The following DGKB variants were observed in gnomAD, a reference collection of about 807,000 sequenced individuals.
DGKB encodes diacylglycerol kinase beta.
A neutral mutation model predicts 114.3 loss-of-function variants in DGKB; 67 were observed. That is an observed-to-expected ratio of 0.59 (90% CI 0.48 to 0.72). The LOEUF (loss-of-function observed/expected upper bound fraction) is 0.72, where lower values mean the gene tolerates loss of function less well. DGKB is among the 30% of genes least tolerant of loss of function. The pLI is 0.00. For synonymous variants in DGKB, 398 were observed against 323.1 expected, an observed-to-expected ratio of 1.23 and a Z score of -2.49; for missense variants, 907 against 975.2, an observed-to-expected ratio of 0.93 and a Z score of 0.93.
chr7:14,889,104 G>T (rs1780767332), intron 1 of DGKB, among the ~76,000 whole-genome samples: 1 of 151,680 alleles, frequency 6.6e-6, no homozygotes, highest in Non-Finnish European at 1.5e-5. Context: ...GCATTGGCAA[G>T]AATGAGGACC....
At chr7:14,342,032 G>A (rs1811686595) in intron 22 of DGKB, among the ~76,000 whole-genome samples, 1 of 151,834 alleles carries the variant, frequency 6.6e-6, no homozygotes, top group Admixed American at 6.6e-5. Flanking sequence ...ATGGGGCAGA[G>A]ACTATGCTTG....
intron 2 of DGKB, among the ~76,000 whole-genome samples, chr7:14,805,685 A>T (rs1380080003): frequency 2.0e-5 from 3 of 151,900 alleles, no homozygotes; most frequent in Non-Finnish European, 4.4e-5. Flanking sequence ...TTTCCTTTTT[A>T]AAATATCTAG....
rs528478274 is a variant in DGKB at position 14,514,450 on chromosome 7, A to C, written c.1771-36225T>G. ...TAATCAGTTGCATTATTTGGACAAT[A>C]TGTAGATATTTTCAGCTTTTACTTT... On this transcript the variant is annotated intron_variant, in intron 20 of 25. Transcript: ENST00000402815. Among the ~76,000 whole-genome samples the C allele has an allele frequency of 1.1e-4, 16 of 152,262 alleles. 2 individuals carry two copies. In the Middle Eastern group the frequency reaches 0.017, roughly 164 times the overall value.
intron 13 of DGKB, among the ~76,000 whole-genome samples, chr7:14,663,813 G>T (rs1032567327): frequency 3.6e-5 from 4 of 111,070 alleles, no homozygotes; most frequent in African/African-American, 1.1e-4. Context: ...GAACCAGTGT[G>T]CAAAAAAAAA....
Position 14,757,731 on chromosome 7 carries a change from T to G in DGKB, c.71A>C (p.Tyr24Ser), listed in dbSNP as rs781585946. ...EFSQLQKYAE[Y>S]STKKLKDVLE... is the part of the protein sequence containing the mutation. ...AACATCCTTTAATTTCTTTGTAGAA[T>G]CTATAAAAAACAGAAAACACAAAAA... is the stretch of plus-strand genomic sequence containing the variant. Residue 24 changes from tyrosine (Y) to serine (S), a missense_variant and splice_region_variant, in exon 3 of 26, where the codon TAT (tyrosine) becomes TCT (serine). This residue lies in a region of DGKB where 814 missense variants were observed against 856.6 expected (regional missense o/e 0.95). Coordinates refer to ENST00000402815, the MANE Select transcript of DGKB (RefSeq NM_001350709.2). 6.3e-7 allele frequency: 1 copy of G among 1,589,884 alleles called. No homozygotes were observed. Among genetic ancestry groups the G allele is most frequent in the Non-Finnish European group, 8.6e-7 (1 of 1,160,688 alleles).
chr7:14,284,724 A>T (rs1214648951), intron 23 of DGKB, among the ~76,000 whole-genome samples: 1 of 151,640 alleles, frequency 6.6e-6, no homozygotes, highest in East Asian at 1.9e-4. Context: ...ACATGGATGA[A>T]ATTGGAAACC....
chr7:14,912,453 G>A (rs1375186022), intron 1 of DGKB, among the ~76,000 whole-genome samples: 1 of 152,074 alleles, frequency 6.6e-6, no homozygotes, highest in East Asian at 1.9e-4. Context: ...GAGTTCACTG[G>A]GGGACTGGTT....
intron 1 of DGKB, among the ~76,000 whole-genome samples, chr7:14,885,993 C>T (rs1409211760): frequency 6.6e-6 from 1 of 151,572 alleles, no homozygotes; most frequent in African/African-American, 2.4e-5. Context: ...TGAGCAAGAA[C>T]ATGGGAAAAT....
At chr7:14,537,329 A>T (rs529876324) in intron 20 of DGKB, among the ~76,000 whole-genome samples, 2 of 152,310 alleles carry the variant, frequency 1.3e-5, no homozygotes, top group African/African-American at 2.4e-5. Flanking sequence ...TCTAAAATTC[A>T]TACAGAACCA....
intron 1 of DGKB, among the ~76,000 whole-genome samples, chr7:14,847,607 A>G (rs1179369719): frequency 1.3e-5 from 2 of 152,222 alleles, no homozygotes; most frequent in African/African-American, 4.8e-5. Flanking sequence ...ATGATACGTG[A>G]GCTATTAAAT....
At chr7:14,612,909 C>T (rs1017408163) in intron 16 of DGKB, among the ~76,000 whole-genome samples, 1 of 152,080 alleles carries the variant, frequency 6.6e-6, no homozygotes, top group Admixed American at 6.6e-5. Context: ...GGAAATATGG[C>T]ATCATGTTCT....
intron 5 of DGKB, among the ~76,000 whole-genome samples, chr7:14,732,073 A>G (rs1334814533): frequency 3.3e-5 from 5 of 152,136 alleles, no homozygotes; most frequent in Non-Finnish European, 7.4e-5. Flanking sequence ...ACATATGCAT[A>G]TGTATAAATA....
At chr7:14,769,293 G>C (rs933652708) in intron 2 of DGKB, among the ~76,000 whole-genome samples, 3 of 144,506 alleles carry the variant, frequency 2.1e-5, no homozygotes, top group Non-Finnish European at 4.6e-5. Context: ...ATTTTGTAAA[G>C]GAGTTTAGTT....
At chr7:14,414,153 G>A (rs1164246308) in intron 21 of DGKB, among the ~76,000 whole-genome samples, 1 of 152,146 alleles carries the variant, frequency 6.6e-6, no homozygotes, top group East Asian at 1.9e-4. Context: ...AGATGAATTA[G>A]AGGGATCTAT....
At chr7:14,165,477 C>A (rs1784486373) in intron 25 of DGKB, among the ~76,000 whole-genome samples, 1 of 152,110 alleles carries the variant, frequency 6.6e-6, no homozygotes, top group Admixed American at 6.5e-5. Context: ...TTGCCCTATT[C>A]CTGCTATAAA....
intron 23 of DGKB, among the ~76,000 whole-genome samples, chr7:14,247,763 A>T (rs2128383223): frequency 6.6e-6 from 1 of 152,160 alleles, no homozygotes; most frequent in South Asian, 2.1e-4. Context: ...TATCAGACGC[A>T]TAATTTACAA....
intron 2 of DGKB, among the ~76,000 whole-genome samples, chr7:14,837,311 C>A (rs1847293234): frequency 6.6e-6 from 1 of 152,062 alleles, no homozygotes; most frequent in South Asian, 2.1e-4. Context: ...TTACAGGGTG[C>A]ATTCTGGCAA....
At position 14,841,305 on chromosome 7, in the gene DGKB, CTT is replaced by C. The variant is rs1562686225; in HGVS notation, c.-44_-43del. On this transcript the variant is annotated 5_prime_UTR_variant, in exon 2 of 26. Coordinates refer to ENST00000402815, the MANE Select transcript of DGKB (RefSeq NM_001350709.2). ...TCTGTCACATACCAGGTAAAAGATT[CTT>C]TATTCAGGTGTTGCGCAGAGGTCTA... 6.3e-7 allele frequency: 1 copy of C among 1,577,814 alleles called. No individual in the cohort carries two copies.
At chr7:14,856,326 A>G (rs1850147808) in intron 1 of DGKB, among the ~76,000 whole-genome samples, 1 of 152,136 alleles carries the variant, frequency 6.6e-6, no homozygotes, top group Non-Finnish European at 1.5e-5. Context: ...TTGAAATACA[A>G]AAATAAAAGT....
Sources: gnomAD v4.1 joint callset for allele counts (sites outside exome capture counted in the v4.1 genomes callset) on GRCh38, gnomAD v4.1.1 for gene constraint, gnomAD v4.1.1 regional missense constraint, MANE v1.5 for transcripts, NCBI Gene and HGNC (gene_info 2026-07-23, HGNC 2026-07-21) for gene names.